MIGA1: variants seen among roughly 807,000 people sequenced by gnomAD.
MIGA1 encodes the protein mitoguardin 1.
A neutral mutation model predicts 82.0 loss-of-function variants in MIGA1; 58 were observed. That is an observed-to-expected ratio of 0.71 (90% CI 0.57 to 0.88). MIGA1 has a LOEUF of 0.88. Among genes scored for constraint, MIGA1 ranks in the 40% least tolerant of loss-of-function variants. The probability of loss-of-function intolerance (pLI) is 0.00; values close to 1 mark genes in which losing one functional copy is unlikely to be tolerated. For missense variants in MIGA1, 751 were observed against 749.1 expected, an observed-to-expected ratio of 1.00 and a Z score of -0.03; for synonymous variants, 249 against 253.6, an observed-to-expected ratio of 0.98 and a Z score of 0.17.
chr1:77,852,946 C>T (rs1309727889), intron 8 of MIGA1, among the ~76,000 whole-genome samples: 1 of 152,168 alleles, frequency 6.6e-6, no homozygotes, highest in Non-Finnish European at 1.5e-5. Flanking sequence ...CTGCCTCGGC[C>T]TCCCAAAGTG....
At chr1:77,800,444 G>A (rs1427781071) in intron 2 of MIGA1, among the ~76,000 whole-genome samples, 2 of 152,172 alleles carry the variant, frequency 1.3e-5, no homozygotes, top group Admixed American at 1.3e-4. Context: ...TCTGATCTCC[G>A]TATTCTGATG....
chr1:77,800,544 GT>G (rs1398159919), intron 2 of MIGA1, among the ~76,000 whole-genome samples: 1 of 152,154 alleles, frequency 6.6e-6, no homozygotes, highest in African/African-American at 2.4e-5. Flanking sequence ...TTATTTTAGA[GT>G]TCCTTTGCTT....
chr1:77,819,080 CAAAA>C (rs745979095), intron 7 of MIGA1, among the ~76,000 whole-genome samples: 5 of 63,318 alleles, frequency 7.9e-5, no homozygotes, highest in East Asian at 4.5e-4. Flanking sequence ...AACTCTGTCC[CAAAA>C]AAAAAAAAAA....
At chr1:77,809,036 A>G (rs904227475) in intron 5 of MIGA1, among the ~76,000 whole-genome samples, 1 of 152,106 alleles carries the variant, frequency 6.6e-6, no homozygotes, top group Admixed American at 6.6e-5. Context: ...ACTTGAACCT[A>G]GGAGTTCAAG....
chr1:77,784,127 T>C (rs1682043717), intron 2 of MIGA1, among the ~76,000 whole-genome samples: 1 of 152,252 alleles, frequency 6.6e-6, no homozygotes, highest in South Asian at 2.1e-4. Context: ...AACATGGACA[T>C]ACAAATATCT....
chr1:77,838,988 G>A (rs1238102973), intron 7 of MIGA1, among the ~76,000 whole-genome samples: 1 of 151,880 alleles, frequency 6.6e-6, no homozygotes, highest in Non-Finnish European at 1.5e-5. Context: ...TCTATATTTG[G>A]ACATTTGGTT....
In MIGA1 at chr1:77,874,940, T is replaced by G. The variant is rs755798244; in HGVS notation, c.1775T>G (p.Leu592Arg). The change falls in exon 16 of 16, where the codon CTC becomes CGC. Residue 592 changes from leucine (L) to arginine (R), a missense_variant. Leu to Arg is a moderately radical substitution (Grantham distance 102, BLOSUM62 -2). Coordinates refer to ENST00000370791, the MANE Select transcript of MIGA1 (RefSeq NM_198549.4). ...TTAGCTGAAGACCTCATGCAGTTAC[T>G]CATTCGCCGCACTGAGCTTTTAATG... 27 of 1,614,148 alleles carry G rather than the reference T, an allele frequency of 1.7e-5. No homozygotes were observed. Among genetic ancestry groups the G allele is most frequent in the Non-Finnish European group, 2.3e-5 (27 of 1,180,004 alleles).
chr1:77,861,071 G>C (rs1685437888), intron 11 of MIGA1, 153 bp from the exon 12 acceptor site: 3 of 558,710 alleles, frequency 5.4e-6, no homozygotes, highest in Non-Finnish European at 9.4e-6. Flanking sequence ...CAATAGCAAA[G>C]TAGTAAACCA....
chr1:77,859,963 A>C, intron 10 of MIGA1, 77 bp from the exon 11 acceptor site: 1 of 891,188 alleles, frequency 1.1e-6, no homozygotes, highest in Non-Finnish European at 1.8e-6. Context: ...TTTTAGGATT[A>C]TTTGTGCTAT....
intron 8 of MIGA1, 94 bp downstream of exon 8, chr1:77,843,501 T>C: frequency 2.1e-6 from 2 of 947,786 alleles, no homozygotes; most frequent in Non-Finnish European, 3.3e-6. Flanking sequence ...TGGTCACTAT[T>C]TATTTAGCAC....
intron 2 of MIGA1, among the ~76,000 whole-genome samples, chr1:77,800,275 G>A (rs960777852): frequency 6.6e-6 from 1 of 152,168 alleles, no homozygotes; most frequent in Admixed American, 6.5e-5. Flanking sequence ...CCTCTCTCCA[G>A]CCTCTCAACA....
At chr1:77,855,849 T>C (rs574567386) in intron 8 of MIGA1, among the ~76,000 whole-genome samples, 17 of 152,218 alleles carry the variant, frequency 1.1e-4, no homozygotes, top group Admixed American at 7.2e-4. Flanking sequence ...CAGTGACAGT[T>C]TGACTTCCTC....
At chr1:77,840,981 A>AGT (rs1684607406) in intron 7 of MIGA1, among the ~76,000 whole-genome samples, 1 of 152,138 alleles carries the variant, frequency 6.6e-6, no homozygotes, top group South Asian at 2.1e-4. Flanking sequence ...ATAAAAGCTC[A>AGT]GTGTGTGTGT....
At chr1:77,870,250 G>C (rs1218473739) in intron 14 of MIGA1, among the ~76,000 whole-genome samples, 4 of 131,268 alleles carry the variant, frequency 3.0e-5, no homozygotes, top group African/African-American at 1.1e-4. Context: ...TCCCGGTCGG[G>C]GTGGCTGCCG....
At chr1:77,805,461 C>CTTTTTTTTTTTTTTTTTTTTTTTT (rs11408292) in intron 4 of MIGA1, among the ~76,000 whole-genome samples, 2 of 110,406 alleles carry the variant, frequency 1.8e-5, no homozygotes, top group African/African-American at 3.5e-5. Context: ...TATGCCTATT[C>CTTTTTTTTTTTTTTTTTTTTTTTT]TTTTTTTTTT....
intron 2 of MIGA1, among the ~76,000 whole-genome samples, chr1:77,788,320 G>A (rs941631539): frequency 2.0e-5 from 3 of 151,840 alleles, no homozygotes; most frequent in Non-Finnish European, 2.9e-5. Context: ...TGTATTTTTA[G>A]TAGAGACGGG....
intron 2 of MIGA1, among the ~76,000 whole-genome samples, chr1:77,788,195 G>A (rs1034776447): frequency 1.2e-4 from 19 of 152,132 alleles, no homozygotes; most frequent in African/African-American, 4.1e-4. Context: ...TAGAGATGGG[G>A]TTTCACCATG....
At chr1:77,851,576 T>C (rs368240173) in intron 8 of MIGA1, among the ~76,000 whole-genome samples, 1 of 152,226 alleles carries the variant, frequency 6.6e-6, no homozygotes, top group East Asian at 1.9e-4. Context: ...AATGAGTTTC[T>C]TTTTGTTTAA....
intron 7 of MIGA1, among the ~76,000 whole-genome samples, chr1:77,835,934 C>G (rs553208749): frequency 6.6e-6 from 1 of 150,642 alleles, no homozygotes; most frequent in Non-Finnish European, 1.5e-5. Context: ...GGCAACAGAG[C>G]GAGACTCTGT....
Sources: allele counts gnomAD v4.1 joint callset (sites outside exome capture counted in the v4.1 genomes callset), GRCh38; gene constraint gnomAD v4.1.1; transcripts MANE v1.5; gene names NCBI Gene and HGNC (gene_info 2026-07-23, HGNC 2026-07-21).